The following SLC22A14 variants were observed in gnomAD, a reference collection of about 807,000 sequenced individuals.
The protein encoded by SLC22A14 is organic cation transporter-like 4.
A neutral mutation model predicts 53.9 loss-of-function variants in SLC22A14; 50 were observed. That is an observed-to-expected ratio of 0.93 (90% CI 0.74 to 1.17). The LOEUF (loss-of-function observed/expected upper bound fraction) is 1.17. Ranked by LOEUF, SLC22A14 falls within the 50% of genes most tolerant of loss-of-function variation. SLC22A14 has a pLI of 0.00. For synonymous variants in SLC22A14, 312 were observed against 303.0 expected (o/e 1.03, Z -0.31); for missense variants, 671 against 734.7 (o/e 0.91, Z 1.00).
In SLC22A14 at chr3:38,315,654, C is replaced by T; in HGVS notation, c.1475C>T (p.Ala492Val). Reference sequence around the variant, plus strand: ...CTCATGCTCAGAGAGTTCAGCCTGGCCGCCACTGTCACTGTGTTCTTCCTC... The same window carrying T: ...CTCATGCTCAGAGAGTTCAGCCTGGTCGCCACTGTCACTGTGTTCTTCCTC... ...LVLMLREFSL[A>V]ATVTVFFLYT... Residue 492 changes from alanine to valine, a missense_variant, in exon 9 of 11, where the codon GCC becomes GTC. Coordinates refer to ENST00000448498, the MANE Select transcript of SLC22A14 (RefSeq NM_001320033.2). 1 of 1,614,068 alleles carries T rather than the reference C, an allele frequency of 6.2e-7. No individual in the cohort carries two copies. Among genetic ancestry groups the T allele is most frequent in the Non-Finnish European group, 8.5e-7 (1 of 1,180,004 alleles).
At chr3:38,280,314 T>C (rs1703640660), upstream of SLC22A14, among the ~76,000 whole-genome samples, 1 of 152,150 alleles carries the variant, frequency 6.6e-6, no homozygotes, top group African/African-American at 2.4e-5. Context: ...AATTACAAGC[T>C]TTTCTTTTCT....
chr3:38,294,492 T>C (rs1186409065), intron 1 of SLC22A14, among the ~76,000 whole-genome samples: 1 of 152,080 alleles, frequency 6.6e-6, no homozygotes, highest in Admixed American at 6.6e-5. Flanking sequence ...GAGGGTCAAA[T>C]TGGTCCCAAT....
chr3:38,302,310 T>G lies in SLC22A14; in HGVS notation c.1-3717T>G, dbSNP rs55754488. On this transcript the variant is annotated intron_variant, in intron 1 of 10. Transcript: ENST00000448498. ...TATATTTATATATACACATATATAT[T>G]TATATATATACATATATATTTATAT... 2.3e-3 allele frequency among the ~76,000 whole-genome samples: 338 copies of G among 144,796 alleles called. 2 individuals are homozygous for G. The highest frequency in any genetic ancestry group is 7.5e-3 in the African/African-American group (294 of 39,416). The allele number at this position is 144,796 out of a possible 152,430, so 95.0% of individuals were successfully genotyped here. A position where few individuals can be genotyped will look rare whatever the true frequency, so the allele number is the denominator to read the frequency against.
intron 5 of SLC22A14, 129 bp from the exon 6 acceptor site, chr3:38,312,870 C>T: frequency 7.8e-7 from 1 of 1,275,944 alleles, no homozygotes; most frequent in Non-Finnish European, 1.1e-6. Context: ...CAGTGGTGGC[C>T]TTCAAGGCCC....
chr3:38,298,566 G>GTT (rs1311234689), intron 1 of SLC22A14, among the ~76,000 whole-genome samples: 2 of 151,824 alleles, frequency 1.3e-5, no homozygotes, highest in Non-Finnish European at 2.9e-5. Flanking sequence ...GTGTGTGTGT[G>GTT]TGTGTGTGTG....
intron 1 of SLC22A14, chr3:38,305,748 G>A: frequency 2.3e-6 from 1 of 430,058 alleles, no homozygotes. Flanking sequence ...GAAGTTGTAG[G>A]AGAGTTCCTA....
At chr3:38,279,399 C>T (rs75856267), upstream of SLC22A14, among the ~76,000 whole-genome samples, 8,713 of 152,244 alleles carry the variant, frequency 0.057, 261 homozygotes, top group Middle Eastern at 0.14. Context: ...CCCTTTAAGA[C>T]GGAATGATTG....
At chr3:38,291,317 A>G (rs1703909457) in intron 1 of SLC22A14, among the ~76,000 whole-genome samples, 1 of 152,178 alleles carries the variant, frequency 6.6e-6, no homozygotes, top group African/African-American at 2.4e-5. Context: ...GGTTTGAGCA[A>G]TCACCTGTTG....
intron 5 of SLC22A14, among the ~76,000 whole-genome samples, 197 bp from the exon 6 acceptor site, chr3:38,312,792 GGAGGCCATGT>G (rs903021531): frequency 6.6e-6 from 1 of 152,208 alleles, no homozygotes; most frequent in Non-Finnish European, 1.5e-5. Flanking sequence ...TAGCAGCAGT[GGAGGCCATGT>G]GAGGCTTAGA....
At chr3:38,296,453 C>T (rs1704040014) in intron 1 of SLC22A14, among the ~76,000 whole-genome samples, 1 of 152,212 alleles carries the variant, frequency 6.6e-6, no homozygotes, top group East Asian at 1.9e-4. Flanking sequence ...CTGGTATTTT[C>T]CTCCAATTCT....
chr3:38,293,773 G>A (rs941608103), intron 1 of SLC22A14, among the ~76,000 whole-genome samples: 3 of 152,218 alleles, frequency 2.0e-5, no homozygotes, highest in African/African-American at 4.8e-5. Flanking sequence ...GGTCTACACT[G>A]GGAACTGCCT....
In SLC22A14 at chr3:38,313,059, G is replaced by T; in HGVS notation, c.1005G>T (p.Gln335His). The T allele has an allele frequency of 6.2e-7, 1 of 1,601,616 alleles. No homozygotes were observed. Residue 335 changes from glutamine to histidine, a missense_variant, in exon 6 of 11, where the codon CAG (glutamine) becomes CAT (histidine). Gln to His is a conservative substitution (Grantham distance 24). Transcript: ENST00000448498. Reference sequence around the variant, plus strand: ...AAGGGAAGGTGAAGGAGGCCAAGCAGGTGCTGTGCTACGCCGCAAGTGTGA... The same window carrying T: ...AAGGGAAGGTGAAGGAGGCCAAGCATGTGCTGTGCTACGCCGCAAGTGTGA... The part of the protein sequence containing the change: ...MMKGKVKEAK[Q>H]VLCYAASVNK...
In SLC22A14 at chr3:38,306,144, A is replaced by G. The variant is rs761103034; in HGVS notation, c.118A>G (p.Arg40Gly). The G allele has an allele frequency of 8.7e-6, 14 of 1,614,170 alleles. No individual in the cohort carries two copies. The highest frequency in any genetic ancestry group is 1.1e-5 in the Non-Finnish European group (13 of 1,180,016). The change falls in exon 2 of 11, where the codon AGA becomes GGA. Residue 40 changes from arginine (R) to glycine (G), a missense_variant. Transcript: ENST00000448498. The part of the protein sequence containing the change: ...HSWSLEMLLR[R>G]LRAVHTKQDD... ...CTGGTCTCTGGAGATGCTGTTACGC[A>G]GATTGAGGGCTGTCCACACCAAGCA...
intron 1 of SLC22A14, among the ~76,000 whole-genome samples, chr3:38,284,377 C>T (rs747597302): frequency 1.8e-4 from 27 of 152,180 alleles, no homozygotes; most frequent in African/African-American, 2.4e-4. Flanking sequence ...CCTCCAGGGC[C>T]GGCCTAAGAG....
chr3:38,307,668 C>T lies in SLC22A14; in HGVS notation c.723C>T (p.Arg241=). The T allele has an allele frequency of 6.2e-7, 1 of 1,614,222 alleles. No individual in the cohort carries two copies. The highest frequency in any genetic ancestry group is 8.5e-7 in the Non-Finnish European group (1 of 1,180,054). Residue 241 remains arginine, a synonymous_variant, in exon 4 of 11, where the codon CGC becomes CGT. Transcript: ENST00000448498. The surrounding 1 kb of genome is among the most constrained non-coding windows in gnomAD (Gnocchi z 4.4). ...MNSFHLYLFF[R]FGISQSVVGY... is the part of the protein sequence containing the mutation. ...GCTTTCACCTGTATTTGTTCTTTCG[C>T]TTTGGCATCTCGCAGTCAGTGGTGG...
chr3:38,280,080 C>T (rs1703633309), upstream of SLC22A14, among the ~76,000 whole-genome samples: 1 of 152,228 alleles, frequency 6.6e-6, no homozygotes, highest in Non-Finnish European at 1.5e-5. Flanking sequence ...TGAATTTCCA[C>T]TGCGTGTTTC....
chr3:38,295,232 G>T (rs1393199351), intron 1 of SLC22A14, among the ~76,000 whole-genome samples: 1 of 152,222 alleles, frequency 6.6e-6, no homozygotes, highest in Non-Finnish European at 1.5e-5. Context: ...TGGGTTAAGG[G>T]AATTATCAGT....
intron 1 of SLC22A14, among the ~76,000 whole-genome samples, chr3:38,287,456 TTTTG>T (rs1575400665): frequency 6.6e-6 from 1 of 152,316 alleles, no homozygotes; most frequent in South Asian, 2.1e-4. Flanking sequence ...GGGCTGGAAT[TTTTG>T]TTTATGATAT....
chr3:38,309,127 G>A lies in SLC22A14; in HGVS notation c.944+5G>A. 3 of 1,613,312 alleles carry A rather than the reference G, an allele frequency of 1.9e-6. No individual in the cohort carries two copies. Among genetic ancestry groups the A allele is most frequent in the Non-Finnish European group, 2.5e-6 (3 of 1,179,274 alleles). ...CCCCTTCATCTCCTATATCTGGTGA[G>A]CAAGCGAGTACCGGGCATGTACAGG... On this transcript the variant is annotated splice_donor_5th_base_variant and intron_variant, in intron 5 of 10. Coordinates refer to ENST00000448498, the MANE Select transcript of SLC22A14 (RefSeq NM_001320033.2).
Sources: gnomAD v4.1 joint callset for allele counts (sites outside exome capture counted in the v4.1 genomes callset) on GRCh38, gnomAD v4.1.1 for gene constraint, Gnocchi (gnomAD v3.1) non-coding constraint, MANE v1.5 for transcripts, NCBI Gene and HGNC (gene_info 2026-07-23, HGNC 2026-07-21) for gene names.